Variants in FAM167A observed in about 807,000 individuals in gnomAD.
The protein encoded by FAM167A is protein FAM167A.
A neutral mutation model predicts 14.9 loss-of-function variants in FAM167A; 23 were observed. That is an observed-to-expected ratio of 1.55 (90% confidence interval 1.11 to 2.19). The LOEUF is 2.19. FAM167A is among the 30% of genes most tolerant of loss of function. The pLI is 0.00. For missense variants in FAM167A, 401 were observed against 281.5 expected, an observed-to-expected ratio of 1.42 and a Z score of -3.04; for synonymous variants, 174 against 117.7, an observed-to-expected ratio of 1.48 and a Z score of -3.10.
At chr8:11,466,300 T>C (rs1359002831) in intron 1 of FAM167A, among the ~76,000 whole-genome samples, 1 of 152,056 alleles carries the variant, frequency 6.6e-6, no homozygotes, top group Non-Finnish European at 1.5e-5. Flanking sequence ...AGAGGCTGAG[T>C]GCGGCCCTCC....
At chr8:11,424,807 C>G (rs536449463) in intron 2 of FAM167A, among the ~76,000 whole-genome samples, 171 bp from the exon 3 acceptor site, 2 of 152,198 alleles carry the variant, frequency 1.3e-5, no homozygotes, top group African/African-American at 2.4e-5. Flanking sequence ...AGCAAGGTGA[C>G]AAATGAGGGT....
chr8:11,472,359 C>G (rs1807985747), upstream of FAM167A, among the ~76,000 whole-genome samples: 1 of 151,818 alleles, frequency 6.6e-6, no homozygotes, highest in Admixed American at 6.6e-5. Context: ...ACCAGCACAT[C>G]CTTGGTGACA....
intron 2 of FAM167A, chr8:11,438,476 C>A (rs1325969050): frequency 2.2e-6 from 1 of 457,254 alleles, no homozygotes; most frequent in Non-Finnish European, 4.4e-6. Context: ...AGAATGCATA[C>A]CGATTACATT....
At chr8:11,436,961 T>C (rs947832646) in intron 2 of FAM167A, among the ~76,000 whole-genome samples, 2 of 152,346 alleles carry the variant, frequency 1.3e-5, no homozygotes, top group African/African-American at 4.8e-5. Flanking sequence ...CTGCAGTTGC[T>C]ATAGATTCCT....
At chr8:11,450,268 C>T (rs961898559) in intron 1 of FAM167A, among the ~76,000 whole-genome samples, 4 of 152,200 alleles carry the variant, frequency 2.6e-5, no homozygotes, top group Non-Finnish European at 4.4e-5. Flanking sequence ...CCCAGGACAA[C>T]CCGAGCACAT....
chr8:11,454,981 T>C (rs1370066911), intron 1 of FAM167A, among the ~76,000 whole-genome samples: 1 of 152,202 alleles, frequency 6.6e-6, no homozygotes, highest in East Asian at 1.9e-4. Flanking sequence ...TGTCTAGCCC[T>C]GGCGCTCATC....
intron 2 of FAM167A, among the ~76,000 whole-genome samples, chr8:11,429,793 C>T (rs948674309): frequency 1.3e-5 from 2 of 152,188 alleles, no homozygotes; most frequent in East Asian, 1.9e-4. Flanking sequence ...ACTCCTCACT[C>T]GTTGGGTGGC....
At chr8:11,461,394 CG>C (rs1409653656) in intron 1 of FAM167A, among the ~76,000 whole-genome samples, 2 of 152,276 alleles carry the variant, frequency 1.3e-5, no homozygotes, top group Non-Finnish European at 2.9e-5. Flanking sequence ...AGCCTGCTGC[CG>C]CCCCGCCAAC....
In FAM167A at chr8:11,422,039, C is replaced by T. The variant is rs1380037810; in HGVS notation, c.*2334G>A. 5 of 389,640 alleles carry T rather than the reference C, an allele frequency of 1.3e-5. No individual in the cohort carries two copies. Among genetic ancestry groups the T allele is most frequent in the African/African-American group, 1.0e-4 (5 of 48,444 alleles). The allele number at this position is 389,640 out of a possible 1,614,324, so 24.1% of individuals were successfully genotyped here. Reference sequence around the variant, plus strand: ...CCTCCTCATCCCATAATAAAGTTCTCTTAGGATAAACCGAGCAAAATAGCT... The same window carrying T: ...CCTCCTCATCCCATAATAAAGTTCTTTTAGGATAAACCGAGCAAAATAGCT... On this transcript the variant is annotated 3_prime_UTR_variant, in exon 3 of 3. Transcript: ENST00000284486.
At chr8:11,430,546 T>C (rs1438521119) in intron 2 of FAM167A, among the ~76,000 whole-genome samples, 1 of 152,234 alleles carries the variant, frequency 6.6e-6, no homozygotes, top group African/African-American at 2.4e-5. Context: ...GTGAACTGTA[T>C]GGTATGTAAA....
At chr8:11,469,257 G>A (rs1432898112), upstream of FAM167A, among the ~76,000 whole-genome samples, 1 of 152,188 alleles carries the variant, frequency 6.6e-6, no homozygotes, top group Non-Finnish European at 1.5e-5. Flanking sequence ...GCAGGATAAT[G>A]GAGGATTTAA....
intron 1 of FAM167A, among the ~76,000 whole-genome samples, chr8:11,456,144 T>TATGG (rs1807275907): frequency 8.9e-4 from 4 of 4,508 alleles, no homozygotes; most frequent in Admixed American, 3.0e-3. Flanking sequence ...GCTGTGTGTG[T>TATGG]GTGTGAATGT....
At chr8:11,459,611 C>G (rs1049310049) in intron 1 of FAM167A, among the ~76,000 whole-genome samples, 7 of 152,188 alleles carry the variant, frequency 4.6e-5, no homozygotes, top group African/African-American at 1.7e-4. Flanking sequence ...CAGGGCTGGG[C>G]AGTGAGGGGA....
rs565518459 is a variant in FAM167A at position 11,421,980 on chromosome 8, A to G, written c.*2393T>C. ...CAACACTGGACGATGTTTAGAAAAC[A>G]TCGCTGTCCCCCTCCACTTCTCATC... On this transcript the variant is annotated 3_prime_UTR_variant, in exon 3 of 3. Transcript: ENST00000284486. The G allele has an allele frequency of 3.5e-4, 138 of 396,934 alleles. No homozygotes were observed. The highest frequency in any genetic ancestry group is 4.9e-4 in the Non-Finnish European group (111 of 225,500). The allele number at this position is 396,934 out of a possible 1,614,324, so 24.6% of individuals were successfully genotyped here. A position where few individuals can be genotyped will look rare whatever the true frequency, so the allele number is the denominator to read the frequency against.
rs1323075161 is a variant in FAM167A, at chr8:11,422,273, A to C, written c.*2100T>G. 6.4e-6 allele frequency: 1 copy of C among 155,222 alleles called. No homozygotes were observed. Among genetic ancestry groups the C allele is most frequent in the Non-Finnish European group, 1.4e-5 (1 of 69,978 alleles). The allele number at this position is 155,222 out of a possible 1,614,324, so 9.6% of individuals were successfully genotyped here. ...TAATGACTGATTTCCAAAAAGAAAGAAAAACCTAATTTGGCATTTTTTCAG... is the reference window on the plus strand; with the variant it reads ...TAATGACTGATTTCCAAAAAGAAAGCAAAACCTAATTTGGCATTTTTTCAG... On this transcript the variant is annotated 3_prime_UTR_variant, in exon 3 of 3. Transcript: ENST00000284486.
At chr8:11,444,835 G>A (rs1201862030) in intron 1 of FAM167A, 27 bp from the exon 2 acceptor site, 3 of 994,824 alleles carry the variant, frequency 3.0e-6, no homozygotes, top group Middle Eastern at 5.1e-4. Flanking sequence ...AACCGCATCA[G>A]TCCCGATCCC....
intron 1 of FAM167A, among the ~76,000 whole-genome samples, chr8:11,473,475 T>C (rs2117177657): frequency 6.6e-6 from 1 of 152,306 alleles, no homozygotes; most frequent in South Asian, 2.1e-4. Flanking sequence ...TTTCAACAAC[T>C]GTACCCCGAA....
intron 2 of FAM167A, among the ~76,000 whole-genome samples, chr8:11,427,264 C>T (rs1805236173): frequency 6.6e-6 from 1 of 152,172 alleles, no homozygotes; most frequent in South Asian, 2.1e-4. Context: ...CCATATTTTA[C>T]CAGCCAGCAT....
chr8:11,453,831 A>ACT (rs1807123227), intron 1 of FAM167A, among the ~76,000 whole-genome samples: 6 of 151,664 alleles, frequency 4.0e-5, no homozygotes, highest in African/African-American at 1.5e-4. Flanking sequence ...GCAGCACATA[A>ACT]ACACTGCAGG....
Sources: gnomAD v4.1 joint callset for allele counts (sites outside exome capture counted in the v4.1 genomes callset) on GRCh38, gnomAD v4.1.1 for gene constraint, MANE v1.5 for transcripts, NCBI Gene and HGNC (gene_info 2026-07-23, HGNC 2026-07-21) for gene names.